The following DLEU7 variants were observed in gnomAD, a reference collection of about 807,000 sequenced individuals.
DLEU7 encodes leukemia-associated protein 7.
Under a neutral mutation model 16.0 loss-of-function variants are expected in DLEU7, and 17 were observed. That is an observed-to-expected ratio of 1.06 (90% CI 0.73 to 1.59). DLEU7 has a LOEUF of 1.59. Ranked by LOEUF, DLEU7 falls within the 40% of genes most tolerant of loss-of-function variation. DLEU7 has a pLI of 0.00. For synonymous variants in DLEU7, 113 were observed against 139.8 expected, an observed-to-expected ratio of 0.81 and a Z score of 1.35; for missense variants, 308 against 314.9, an observed-to-expected ratio of 0.98 and a Z score of 0.17.
At chr13:50,752,897 C>T (rs1350625218) in intron 1 of DLEU7, among the ~76,000 whole-genome samples, 1 of 152,148 alleles carries the variant, frequency 6.6e-6, no homozygotes, top group Non-Finnish European at 1.5e-5. Context: ...ATTCTCTTAT[C>T]TGGCCCCACC....
chr13:50,783,707 AG>A (rs1875719026), intron 1 of DLEU7, among the ~76,000 whole-genome samples: 2 of 152,208 alleles, frequency 1.3e-5, no homozygotes, highest in African/African-American at 2.4e-5. Flanking sequence ...TAAAACATAA[AG>A]AAAATAGGTG....
At chr13:50,766,349 C>G (rs1479610687) in intron 1 of DLEU7, among the ~76,000 whole-genome samples, 2 of 152,204 alleles carry the variant, frequency 1.3e-5, no homozygotes, top group African/African-American at 4.8e-5. Flanking sequence ...GCCCTGCAGG[C>G]TCGTGCTGGG....
At chr13:50,730,098 G>A (rs1375748893) in intron 1 of DLEU7, among the ~76,000 whole-genome samples, 1 of 151,982 alleles carries the variant, frequency 6.6e-6, no homozygotes, top group Admixed American at 6.6e-5. Context: ...TTAAGTGGAA[G>A]TGGATCATCA....
chr13:50,750,696 T>C (rs1874537132), intron 1 of DLEU7, among the ~76,000 whole-genome samples: 1 of 152,172 alleles, frequency 6.6e-6, no homozygotes, highest in Non-Finnish European at 1.5e-5. Context: ...GTTTGTTTGT[T>C]TGCAGCTATC....
At chr13:50,821,589 G>T (rs1876905567), downstream of DLEU7, among the ~76,000 whole-genome samples, 1 of 152,118 alleles carries the variant, frequency 6.6e-6, no homozygotes, top group African/African-American at 2.4e-5. Flanking sequence ...GCCCATGAGG[G>T]TTCATGGAGG....
intron 1 of DLEU7, among the ~76,000 whole-genome samples, chr13:50,810,288 C>T (rs1012040362): frequency 7.2e-5 from 11 of 151,828 alleles, no homozygotes; most frequent in African/African-American, 2.2e-4. Flanking sequence ...TGGGATTTGG[C>T]CCAGCCTTAC....
chr13:50,814,209 A>T (rs1876654490), intron 1 of DLEU7, among the ~76,000 whole-genome samples: 1 of 152,140 alleles, frequency 6.6e-6, no homozygotes, highest in South Asian at 2.1e-4. Flanking sequence ...TGACTCCATG[A>T]TTCCTTAGCT....
chr13:50,790,436 AG>A (rs1454090757), intron 1 of DLEU7, among the ~76,000 whole-genome samples: 4 of 151,882 alleles, frequency 2.6e-5, no homozygotes, highest in Non-Finnish European at 5.9e-5. Context: ...CAGGCCCGCA[AG>A]GATATCCTGT....
At position 50,766,295 on chromosome 13, in the gene DLEU7, C is replaced by T. The variant is rs113157588; in HGVS notation, c.460-53055G>A. Among the ~76,000 whole-genome samples, 413 of 152,320 alleles carry T rather than the reference C, an allele frequency of 2.7e-3. 2 individuals are homozygous for T. The highest frequency in any genetic ancestry group is 9.6e-3 in the African/African-American group (399 of 41,570). On this transcript the variant is annotated intron_variant, in intron 1 of 1. Coordinates refer to the DLEU7 transcript ENST00000400393. ...GGCATCATGTTCAGCACAGCTGCAG[C>T]GGCTGCACTCCACCCGTCTCCTTGT...
chr13:50,837,934 C>T (rs535723887), intron 1 of DLEU7, among the ~76,000 whole-genome samples: 3 of 152,124 alleles, frequency 2.0e-5, no homozygotes, highest in South Asian at 4.2e-4. Flanking sequence ...ACTCATGGGG[C>T]TGGGTACTGA....
chr13:50,756,610 C>T (rs2137740140), intron 1 of DLEU7, among the ~76,000 whole-genome samples: 1 of 152,284 alleles, frequency 6.6e-6, no homozygotes, highest in South Asian at 2.1e-4. Flanking sequence ...GTGGGCCGAG[C>T]AGGGCTTGAG....
At chr13:50,732,208 C>T (rs1211252007) in intron 1 of DLEU7, among the ~76,000 whole-genome samples, 1 of 152,146 alleles carries the variant, frequency 6.6e-6, no homozygotes, top group East Asian at 1.9e-4. Flanking sequence ...TTATCCCAGA[C>T]CACAAGTATC....
chr13:50,735,593 A>G (rs1874044399), intron 1 of DLEU7, among the ~76,000 whole-genome samples: 1 of 152,062 alleles, frequency 6.6e-6, no homozygotes, highest in South Asian at 2.1e-4. Flanking sequence ...GAAAAAATGA[A>G]AATATTATAA....
At chr13:50,779,583 G>A (rs923679326) in intron 1 of DLEU7, among the ~76,000 whole-genome samples, 1 of 152,136 alleles carries the variant, frequency 6.6e-6, no homozygotes, top group African/African-American at 2.4e-5. Context: ...CTCCATCACA[G>A]CCACCTCGGG....
intron 1 of DLEU7, among the ~76,000 whole-genome samples, chr13:50,786,819 G>A (rs931136331): frequency 5.3e-5 from 8 of 152,180 alleles, no homozygotes; most frequent in African/African-American, 1.9e-4. Context: ...ATTTAACAGA[G>A]AAATATTAGG....
intron 1 of DLEU7, among the ~76,000 whole-genome samples, chr13:50,811,903 T>C (rs982680606): frequency 9.2e-5 from 14 of 152,078 alleles, no homozygotes; most frequent in Admixed American, 7.2e-4. Flanking sequence ...ACCCCATCTC[T>C]ACTAAAAATA....
intron 1 of DLEU7, among the ~76,000 whole-genome samples, chr13:50,755,083 T>C (rs1288635896): frequency 2.0e-5 from 3 of 152,210 alleles, no homozygotes; most frequent in African/African-American, 7.2e-5. Context: ...GGTTTTCCTT[T>C]ATAGGTTAAC....
chr13:50,815,076 T>G lies in DLEU7; in HGVS notation c.459+28112A>C, dbSNP rs147970756. Among the ~76,000 whole-genome samples, 1,198 of 152,226 alleles carry G rather than the reference T, an allele frequency of 7.9e-3. 10 individuals are homozygous for G. The highest frequency in any genetic ancestry group is 0.013 in the Non-Finnish European group (907 of 68,000). On this transcript the variant is annotated intron_variant, in intron 1 of 1. Coordinates refer to the DLEU7 transcript ENST00000400393. Reference sequence around the variant, plus strand: ...ATATTAAAGTGTCTGAGTTATTTATTTGGCAAACTGTTTTTCACTTGTGAC... The same window carrying G: ...ATATTAAAGTGTCTGAGTTATTTATGTGGCAAACTGTTTTTCACTTGTGAC...
At chr13:50,776,434 A>C (rs140218820) in intron 1 of DLEU7, among the ~76,000 whole-genome samples, 1 of 152,212 alleles carries the variant, frequency 6.6e-6, no homozygotes, top group South Asian at 2.1e-4. Context: ...AACCACAGTC[A>C]GGGCTAAAAT....
Sources: gnomAD v4.1 joint callset for allele counts (sites outside exome capture counted in the v4.1 genomes callset) on GRCh38, gnomAD v4.1.1 for gene constraint, MANE v1.5 for transcripts, NCBI Gene and HGNC (gene_info 2026-07-23, HGNC 2026-07-21) for gene names.